CDYL2: variants seen among roughly 807,000 people sequenced by gnomAD.
The protein encoded by CDYL2 is chromodomain Y like 2, also known as chromodomain Y-like protein 2.
A neutral mutation model predicts 49.4 loss-of-function variants in CDYL2; 23 were observed. The observed-to-expected ratio is 0.47, with a 90% CI of 0.34 to 0.66. The LOEUF is 0.66. Ranked by LOEUF, CDYL2 falls within the 30% of genes least tolerant of loss-of-function variation. CDYL2 has a pLI of 0.01. For missense variants in CDYL2, 678 were observed against 656.4 expected, an observed-to-expected ratio of 1.03 and a Z score of -0.36; for synonymous variants, 360 against 268.8, an observed-to-expected ratio of 1.34 and a Z score of -3.32.
At chr16:80,702,183 A>AAAACAC (rs1555531305) in intron 1 of CDYL2, among the ~76,000 whole-genome samples, 1 of 142,772 alleles carries the variant, frequency 7.0e-6, no homozygotes, top group South Asian at 2.3e-4. Flanking sequence ...GAAGGCCTAA[A>AAAACAC]ACACACACAC....
chr16:80,771,335 T>C (rs1567601849), intron 1 of CDYL2, among the ~76,000 whole-genome samples: 1 of 152,200 alleles, frequency 6.6e-6, no homozygotes, highest in Non-Finnish European at 1.5e-5. Flanking sequence ...GATGTTGAAA[T>C]GTCAAACACA....
At chr16:80,696,411 A>C (rs1910614845) in intron 1 of CDYL2, among the ~76,000 whole-genome samples, 1 of 152,166 alleles carries the variant, frequency 6.6e-6, no homozygotes, top group Non-Finnish European at 1.5e-5. Flanking sequence ...GGACTAAAAA[A>C]TACAAAAGGT....
At position 80,612,551 on chromosome 16, in the gene CDYL2, C is replaced by T. The variant is rs931429475; in HGVS notation, c.1218+75G>A. 1.3e-5 allele frequency: 19 copies of T among 1,428,604 alleles called. No homozygotes were observed. Among genetic ancestry groups the T allele is most frequent in the Non-Finnish European group, 1.7e-5 (18 of 1,054,382 alleles). 88.5% of individuals were successfully genotyped at this position (1,428,604 alleles called of 1,614,324 possible). The stretch of plus-strand genomic sequence containing the variant: ...GACAACACCCTCAGGTTTCTAGCCC[C>T]ATGAAGAGCCCCTAAACCCAAGGCA... On this transcript the variant is annotated intron_variant, in intron 5 of 6. Coordinates refer to ENST00000570137, the MANE Select transcript of CDYL2 (RefSeq NM_152342.4). This position sits in a 1 kb window ranked among gnomAD's most constrained non-coding sequence, Gnocchi z 5.0.
intron 2 of CDYL2, among the ~76,000 whole-genome samples, chr16:80,642,477 T>C (rs1195409344): frequency 1.3e-5 from 2 of 152,196 alleles, no homozygotes; most frequent in African/African-American, 2.4e-5. Context: ...TGTTATTGTT[T>C]GTTTCTTTAT....
intron 1 of CDYL2, among the ~76,000 whole-genome samples, chr16:80,756,654 T>C (rs1906320432): frequency 6.6e-6 from 1 of 152,170 alleles, no homozygotes; most frequent in African/African-American, 2.4e-5. Flanking sequence ...ACTCATTTTA[T>C]AACATTTAAT....
intron 2 of CDYL2, among the ~76,000 whole-genome samples, chr16:80,661,639 C>A (rs1292864301): frequency 6.6e-6 from 1 of 152,208 alleles, no homozygotes; most frequent in Non-Finnish European, 1.5e-5. Flanking sequence ...GCCCTGGTCT[C>A]AGGCCCTCTT....
chr16:80,741,710 A>T (rs1210793123), intron 1 of CDYL2, among the ~76,000 whole-genome samples: 2 of 152,260 alleles, frequency 1.3e-5, no homozygotes, highest in Admixed American at 1.3e-4. Flanking sequence ...TAAATTCACC[A>T]GTAATAAAAG....
At chr16:80,773,422 T>A (rs554658569) in intron 1 of CDYL2, among the ~76,000 whole-genome samples, 1 of 152,186 alleles carries the variant, frequency 6.6e-6, no homozygotes, top group African/African-American at 2.4e-5. Context: ...GATAGAACAA[T>A]CAGACCAAAA....
chr16:80,702,822 A>G (rs1294033949), intron 1 of CDYL2, among the ~76,000 whole-genome samples: 1 of 152,198 alleles, frequency 6.6e-6, no homozygotes, highest in Non-Finnish European at 1.5e-5. Context: ...GCCGCAGCCA[A>G]CAGCCAGCAC....
intron 1 of CDYL2, among the ~76,000 whole-genome samples, chr16:80,743,398 A>C (rs1905816840): frequency 6.6e-6 from 1 of 152,246 alleles, no homozygotes; most frequent in Non-Finnish European, 1.5e-5. Flanking sequence ...CTTTATTTGC[A>C]GTCTAAATCT....
chr16:80,607,372 G>T (rs1289402944), intron 6 of CDYL2, among the ~76,000 whole-genome samples: 1 of 152,156 alleles, frequency 6.6e-6, no homozygotes, highest in Admixed American at 6.5e-5. Context: ...AGGAAGGGAG[G>T]GGCAAGGGTC....
chr16:80,632,853 A>AAT (rs1907627621), intron 3 of CDYL2, 166 bp downstream of exon 3: 2 of 620,224 alleles, frequency 3.2e-6, no homozygotes, highest in Non-Finnish European at 5.8e-6. Flanking sequence ...CAAATGGGAT[A>AAT]ATGTATGTAA....
At chr16:80,620,969 G>T in intron 3 of CDYL2, 34 bp from the exon 4 acceptor site, 1 of 1,546,978 alleles carries the variant, frequency 6.5e-7, no homozygotes, top group Non-Finnish European at 8.8e-7. Flanking sequence ...GGGATGTTAA[G>T]TGTCTATCCT....
chr16:80,700,351 A>C (rs1033785132), intron 1 of CDYL2, among the ~76,000 whole-genome samples: 1 of 152,250 alleles, frequency 6.6e-6, no homozygotes, highest in East Asian at 1.9e-4. Flanking sequence ...CTAAACTATA[A>C]TTAAAATTTT....
chr16:80,737,810 G>A (rs992443372), intron 1 of CDYL2, among the ~76,000 whole-genome samples: 3 of 152,194 alleles, frequency 2.0e-5, no homozygotes, highest in African/African-American at 7.2e-5. Context: ...TTTCTCTAAA[G>A]AATGCCCAGC....
chr16:80,724,830 C>T (rs866740748), intron 1 of CDYL2, among the ~76,000 whole-genome samples: 3 of 152,188 alleles, frequency 2.0e-5, no homozygotes, highest in Non-Finnish European at 4.4e-5. Context: ...GGCAGCTTCC[C>T]ACATGGTCTT....
intron 4 of CDYL2, among the ~76,000 whole-genome samples, chr16:80,619,641 C>T (rs991718398): frequency 1.3e-5 from 2 of 152,198 alleles, no homozygotes; most frequent in Non-Finnish European, 2.9e-5. Context: ...ACGCAAAGCG[C>T]AAACTGTGTG....
intron 1 of CDYL2, among the ~76,000 whole-genome samples, chr16:80,712,339 C>A (rs1442285365): frequency 6.6e-6 from 1 of 151,688 alleles, no homozygotes; most frequent in Non-Finnish European, 1.5e-5. Context: ...GCATAAGACC[C>A]CCAGTGCAAA....
intron 1 of CDYL2, among the ~76,000 whole-genome samples, chr16:80,757,024 C>T (rs1906335147): frequency 6.6e-6 from 1 of 152,060 alleles, no homozygotes; most frequent in Non-Finnish European, 1.5e-5. Context: ...CCCATTAAAA[C>T]CATGGGTAAG....
Sources: allele counts gnomAD v4.1 joint callset (sites outside exome capture counted in the v4.1 genomes callset), GRCh38; gene constraint gnomAD v4.1.1; non-coding constraint Gnocchi (gnomAD v3.1); transcripts MANE v1.5; gene names NCBI Gene and HGNC (gene_info 2026-07-23, HGNC 2026-07-21).